THEMIS: variants seen among roughly 807,000 people sequenced by gnomAD.
THEMIS encodes the protein thymocyte selection associated.
In THEMIS, 37 loss-of-function variants were observed where a neutral mutation model predicts 52.6. The observed-to-expected ratio is 0.70, with a 90% CI of 0.54 to 0.93. THEMIS has a LOEUF of 0.93. Among genes scored for constraint, THEMIS ranks in the 40% least tolerant of loss-of-function variants. The pLI is 0.00. For synonymous variants in THEMIS, 292 were observed against 272.7 expected, an observed-to-expected ratio of 1.07 and a Z score of -0.70; for missense variants, 808 against 763.1, an observed-to-expected ratio of 1.06 and a Z score of -0.69.
chr6:127,859,934 A>T (rs541024018), intron 1 of THEMIS, among the ~76,000 whole-genome samples: 1 of 152,284 alleles, frequency 6.6e-6, no homozygotes, highest in Non-Finnish European at 1.5e-5. Context: ...TTTTTGCTTC[A>T]GGATAGCACA....
intron 1 of THEMIS, among the ~76,000 whole-genome samples, chr6:127,881,172 A>T (rs1780474425): frequency 6.6e-6 from 1 of 152,080 alleles, no homozygotes; most frequent in Non-Finnish European, 1.5e-5. Context: ...AAAATCTACC[A>T]GTATCATAAT....
chr6:127,902,077 C>T (rs1781149021), upstream of THEMIS, among the ~76,000 whole-genome samples: 1 of 151,928 alleles, frequency 6.6e-6, no homozygotes, highest in Admixed American at 6.6e-5. Context: ...GTAGTCCCAG[C>T]ACTTTAGGAG....
chr6:127,917,051 A>C (rs1463989762), intron 1 of THEMIS, among the ~76,000 whole-genome samples: 3 of 152,236 alleles, frequency 2.0e-5, no homozygotes, highest in African/African-American at 7.2e-5. Context: ...TTTAGTCTAT[A>C]GGGTCTAGAA....
Position 127,863,729 on chromosome 6 carries a change from T to C in THEMIS, c.92-8541A>G, listed in dbSNP as rs192375739. The stretch of plus-strand genomic sequence containing the variant: ...TCCTGCTTCTCAAAAATATGTGTAC[T>C]TAAGTGTTCCAGGAAAGACTAAATA... On this transcript the variant is annotated intron_variant, in intron 1 of 5. Coordinates refer to ENST00000368248, the MANE Select transcript of THEMIS (RefSeq NM_001010923.3). Among the ~76,000 whole-genome samples the C allele has an allele frequency of 1.7e-3, 257 of 152,258 alleles. 1 individual carries two copies. In the Middle Eastern group the frequency reaches 0.02, roughly 12 times the overall value.
intron 1 of THEMIS, among the ~76,000 whole-genome samples, chr6:127,915,730 T>C (rs2114541514): frequency 6.6e-6 from 1 of 152,290 alleles, no homozygotes; most frequent in South Asian, 2.1e-4. Context: ...CTCACGCCTG[T>C]AATCCCAGCA....
At chr6:127,895,317 T>C (rs546150523) in intron 1 of THEMIS, among the ~76,000 whole-genome samples, 1 of 151,494 alleles carries the variant, frequency 6.6e-6, no homozygotes, top group South Asian at 2.1e-4. Flanking sequence ...TAGCCTGTAA[T>C]AAAAAGGTAA....
At chr6:127,701,517 G>T in the THEMIS span, among the ~76,000 whole-genome samples, 3 of 152,118 alleles carry the variant, frequency 2.0e-5, no homozygotes, top group African/African-American at 4.8e-5. Context: ...ATGTCTTATT[G>T]GTAGCTAAAT....
chr6:127,778,522 G>A (rs1003623559), intron 4 of THEMIS, among the ~76,000 whole-genome samples: 10 of 151,942 alleles, frequency 6.6e-5, no homozygotes, highest in South Asian at 2.1e-4. Flanking sequence ...GATTATAGAC[G>A]CCGCCTCTTT....
chr6:127,836,984 A>C (rs778191587), intron 2 of THEMIS, among the ~76,000 whole-genome samples: 1 of 152,192 alleles, frequency 6.6e-6, no homozygotes, highest in African/African-American at 2.4e-5. Flanking sequence ...TGACCCAGAC[A>C]GTCACTTCCA....
intron 1 of THEMIS, among the ~76,000 whole-genome samples, chr6:127,862,165 A>G (rs1470781975): frequency 6.6e-6 from 1 of 152,140 alleles, no homozygotes; most frequent in African/African-American, 2.4e-5. Flanking sequence ...CTAATACACA[A>G]AGTCTTAATT....
At chr6:127,752,422 A>C (rs1775677378) in intron 4 of THEMIS, among the ~76,000 whole-genome samples, 1 of 151,138 alleles carries the variant, frequency 6.6e-6, no homozygotes. Context: ...AACTAAGAAA[A>C]AAGAAGACTC....
At chr6:127,891,266 C>T (rs565641769) in intron 1 of THEMIS, among the ~76,000 whole-genome samples, 3 of 152,088 alleles carry the variant, frequency 2.0e-5, no homozygotes, top group African/African-American at 2.4e-5. Flanking sequence ...CGCGGTGGCT[C>T]ACACCTGTAA....
upstream of THEMIS, among the ~76,000 whole-genome samples, chr6:127,902,433 T>A (rs761449431): frequency 1.3e-5 from 2 of 151,940 alleles, no homozygotes; most frequent in Non-Finnish European, 2.9e-5. Flanking sequence ...CACTTATCTA[T>A]TAACTGTTTT....
At chr6:127,796,049 G>T (rs1562262803) in intron 4 of THEMIS, among the ~76,000 whole-genome samples, 1 of 152,136 alleles carries the variant, frequency 6.6e-6, no homozygotes, top group African/African-American at 2.4e-5. Context: ...AGATTAAAAA[G>T]TTAAATAAGA....
At chr6:127,912,464 T>G (rs138127508) in intron 1 of THEMIS, among the ~76,000 whole-genome samples, 284 of 152,340 alleles carry the variant, frequency 1.9e-3, no homozygotes, top group African/African-American at 6.5e-3. Context: ...GGGAGCAGGC[T>G]GAGTTAACTT....
rs181805001 is a variant in THEMIS at position 127,916,255 on chromosome 6, T to C, written c.-150+2173A>G. Among the ~76,000 whole-genome samples, 3 of 151,958 alleles carry C rather than the reference T, an allele frequency of 2.0e-5. No homozygotes were observed. In the East Asian group the frequency reaches 5.8e-4, roughly 29 times the overall value. On this transcript the variant is annotated intron_variant, in intron 1 of 6. Coordinates refer to the THEMIS transcript ENST00000368250. The stretch of plus-strand genomic sequence containing the variant: ...AGAAATAATTATATAGATATGTATG[T>C]ATATGTATATATGCACATATATATT...
intron 1 of THEMIS, among the ~76,000 whole-genome samples, chr6:127,918,156 G>A (rs776137722): frequency 1.3e-5 from 2 of 152,080 alleles, no homozygotes; most frequent in African/African-American, 2.4e-5. Flanking sequence ...AACACTGAAG[G>A]CTCCAAGGCA....
upstream of THEMIS, among the ~76,000 whole-genome samples, chr6:127,904,439 TA>T (rs1431158976): frequency 1.3e-5 from 2 of 152,048 alleles, no homozygotes; most frequent in Non-Finnish European, 2.9e-5. Flanking sequence ...AAGGGTTGCC[TA>T]TAAATAGAAC....
the THEMIS span, among the ~76,000 whole-genome samples, chr6:127,701,355 G>C: frequency 6.6e-6 from 1 of 151,956 alleles, no homozygotes; most frequent in Non-Finnish European, 1.5e-5. Flanking sequence ...CCAAGCTGTT[G>C]CATTTTTGTG....
Sources: allele counts gnomAD v4.1 joint callset (sites outside exome capture counted in the v4.1 genomes callset), GRCh38; gene constraint gnomAD v4.1.1; transcripts MANE v1.5; gene names NCBI Gene and HGNC (gene_info 2026-07-23, HGNC 2026-07-21).